ATF3: variants seen among roughly 807,000 people sequenced by gnomAD.
The protein encoded by ATF3 is activating transcription factor 3, also known as cyclic AMP-dependent transcription factor ATF-3.
Under a neutral mutation model 18.4 loss-of-function variants are expected in ATF3, and 10 were observed. That is an observed-to-expected ratio of 0.54 (90% CI 0.34 to 0.92). ATF3 has a LOEUF of 0.92. Ranked by LOEUF, ATF3 falls within the 40% of genes least tolerant of loss-of-function variation. The pLI, the probability that ATF3 is intolerant of heterozygous loss-of-function variation, is 0.02. For missense variants in ATF3, 183 were observed against 222.3 expected (o/e 0.82, Z 1.12); for synonymous variants, 78 against 87.9 (o/e 0.89, Z 0.63).
At chr1:212,572,152 T>C (rs995826146) in intron 1 of ATF3, among the ~76,000 whole-genome samples, 1 of 152,234 alleles carries the variant, frequency 6.6e-6, no homozygotes, top group Non-Finnish European at 1.5e-5. Context: ...CATACTCTTA[T>C]CGATACTTGC....
chr1:212,571,816 A>G (rs1664488484), intron 1 of ATF3, among the ~76,000 whole-genome samples: 1 of 150,310 alleles, frequency 6.7e-6, no homozygotes, highest in South Asian at 2.1e-4. Flanking sequence ...GGTTCACGCC[A>G]TTCTCCTGCC....
Position 212,619,111 on chromosome 1 carries a change from C to A in ATF3, c.349-247C>A. On this transcript the variant is annotated intron_variant, in intron 3 of 3. Transcript: ENST00000341491. The surrounding 1 kb of genome is among the most constrained non-coding windows in gnomAD (Gnocchi z 4.4). ...CTGTTGACTCATGCAAATGAGGTAT[C>A]TGAACTGCAGCTTCAGTATTAGCAG... 6.2e-7 allele frequency: 1 copy of A among 1,614,158 alleles called. No homozygotes were observed. The highest frequency in any genetic ancestry group is 8.5e-7 in the Non-Finnish European group (1 of 1,180,052).
intron 2 of ATF3, among the ~76,000 whole-genome samples, chr1:212,617,252 T>C (rs1352901080): frequency 1.3e-5 from 2 of 152,138 alleles, no homozygotes; most frequent in East Asian, 3.9e-4. Context: ...TTGCTCCAGG[T>C]TCACTTCTGT....
Position 212,618,418 on chromosome 1 carries a change from A to T in ATF3, c.348+184A>T, listed in dbSNP as rs1334877371. ...GGTGGCAAAGCAGTTAACACAATGG[A>T]TGTGACGGTGGATGTATAAAAACAG... On this transcript the variant is annotated intron_variant, in intron 3 of 3. Coordinates refer to ENST00000341491, the MANE Select transcript of ATF3 (RefSeq NM_001674.4). This position sits in a 1 kb window ranked among gnomAD's most constrained non-coding sequence, Gnocchi z 4.4. 1 of 684,360 alleles carries T rather than the reference A, an allele frequency of 1.5e-6. No individual in the cohort carries two copies. Among genetic ancestry groups the T allele is most frequent in the South Asian group, 1.6e-5 (1 of 64,136 alleles). The allele number at this position is 684,360 out of a possible 1,614,324, so 42.4% of individuals were successfully genotyped here.
At chr1:212,600,225 A>G (rs1654442610) in intron 1 of ATF3, among the ~76,000 whole-genome samples, 1 of 152,148 alleles carries the variant, frequency 6.6e-6, no homozygotes, top group Non-Finnish European at 1.5e-5. Flanking sequence ...TCAGCCCTCT[A>G]CCAGCAGTCT....
In ATF3 at chr1:212,619,647, G is replaced by A. The variant is rs922298704; in HGVS notation, c.*92G>A. ...AGCCATTGGAGAGCTGTCTTCCTGT[G>A]TACCTCTAGAATCCCAGCAGCAGAG... On this transcript the variant is annotated 3_prime_UTR_variant, in exon 4 of 4. Transcript: ENST00000341491. The surrounding 1 kb of genome is among the most constrained non-coding windows in gnomAD (Gnocchi z 4.4). The A allele has an allele frequency of 2.4e-5, 37 of 1,521,442 alleles. No individual in the cohort carries two copies. In the African/African-American group the frequency reaches 4.7e-4, roughly 19 times the overall value. 94.2% of individuals were successfully genotyped at this position (1,521,442 alleles called of 1,614,324 possible).
upstream of ATF3, among the ~76,000 whole-genome samples, chr1:212,604,815 A>G (rs1271538316): frequency 6.6e-6 from 1 of 152,090 alleles, no homozygotes; most frequent in Non-Finnish European, 1.5e-5. Context: ...AATACCAAAG[A>G]CAGAACCAGA....
At chr1:212,609,987 G>A (rs1654828778) in intron 1 of ATF3, among the ~76,000 whole-genome samples, 1 of 152,190 alleles carries the variant, frequency 6.6e-6, no homozygotes. Flanking sequence ...GTGTAGTGGG[G>A]AGAAAAGGAG....
At chr1:212,601,083 T>C (rs147329992) in intron 1 of ATF3, among the ~76,000 whole-genome samples, 60 of 152,324 alleles carry the variant, frequency 3.9e-4, no homozygotes, top group African/African-American at 1.3e-3. Context: ...TTGATAGGCA[T>C]AAACTCACTG....
At chr1:212,603,187 G>A (rs1654531425) in intron 1 of ATF3, among the ~76,000 whole-genome samples, 1 of 152,162 alleles carries the variant, frequency 6.6e-6, no homozygotes, top group Non-Finnish European at 1.5e-5. Context: ...GCATAGAGAT[G>A]CTAGAGCTGC....
intron 2 of ATF3, among the ~76,000 whole-genome samples, chr1:212,617,492 G>A (rs1655178020): frequency 6.6e-6 from 1 of 152,212 alleles, no homozygotes; most frequent in African/African-American, 2.4e-5. Flanking sequence ...TAGTGGGACT[G>A]ACCTAAAAGA....
chr1:212,570,564 A>T (rs905064058), intron 1 of ATF3, among the ~76,000 whole-genome samples: 22 of 152,328 alleles, frequency 1.4e-4, no homozygotes, highest in Admixed American at 1.2e-3. Context: ...AGACTTTTTT[A>T]AAAAATGGAA....
intron 1 of ATF3, among the ~76,000 whole-genome samples, chr1:212,575,937 T>C (rs1258258664): frequency 3.3e-5 from 5 of 152,160 alleles, no homozygotes; most frequent in Non-Finnish European, 7.4e-5. Context: ...AGTTATAATT[T>C]TCCTTATTTG....
intron 2 of ATF3, among the ~76,000 whole-genome samples, chr1:212,617,699 C>T (rs879323916): frequency 5.9e-5 from 9 of 151,936 alleles, no homozygotes; most frequent in Admixed American, 1.3e-4. Context: ...AAGAAGAGGC[C>T]GGGAGTGGGT....
At chr1:212,584,862 AC>A (rs1471920629) in intron 1 of ATF3, among the ~76,000 whole-genome samples, 1 of 152,088 alleles carries the variant, frequency 6.6e-6, no homozygotes, top group Non-Finnish European at 1.5e-5. Flanking sequence ...CCTGGATGGA[AC>A]CTTTGTGGGA....
chr1:212,572,799 T>C (rs1664508924), intron 1 of ATF3, among the ~76,000 whole-genome samples: 1 of 152,216 alleles, frequency 6.6e-6, no homozygotes, highest in African/African-American at 2.4e-5. Context: ...AAGTTTCCAA[T>C]GTCATCATTG....
intron 1 of ATF3, among the ~76,000 whole-genome samples, chr1:212,580,033 G>A (rs975285654): frequency 2.0e-5 from 3 of 151,186 alleles, no homozygotes; most frequent in Non-Finnish European, 4.4e-5. Flanking sequence ...TGTAATCCCA[G>A]CTACTCTGGA....
At chr1:212,592,160 C>T (rs1664899380) in intron 1 of ATF3, among the ~76,000 whole-genome samples, 4 of 140,550 alleles carry the variant, frequency 2.8e-5, no homozygotes, top group Admixed American at 2.7e-4. Flanking sequence ...CCTCATTTCT[C>T]CCTCAACCTA....
intron 1 of ATF3, among the ~76,000 whole-genome samples, chr1:212,572,736 TTTCATACGGGTCC>T (rs1664507595): frequency 6.6e-6 from 1 of 152,218 alleles, no homozygotes; most frequent in Non-Finnish European, 1.5e-5. Context: ...TTTATAATTT[TTTCATACGGGTCC>T]TTCGCATTCT....
Sources: allele counts gnomAD v4.1 joint callset (sites outside exome capture counted in the v4.1 genomes callset), GRCh38; gene constraint gnomAD v4.1.1; non-coding constraint Gnocchi (gnomAD v3.1); transcripts MANE v1.5; gene names NCBI Gene and HGNC (gene_info 2026-07-23, HGNC 2026-07-21).